Variants in OPA3 observed in about 807,000 individuals in gnomAD.
OPA3 encodes outer mitochondrial membrane lipid metabolism regulator OPA3.
OPA3 carries 6 observed loss-of-function variants against 4.0 expected under a neutral mutation model. The observed-to-expected ratio is 1.51, with a 90% CI of 0.83 to 2.99. The LOEUF (loss-of-function observed/expected upper bound fraction) is 2.99. Ranked by LOEUF, OPA3 falls within the 30% of genes most tolerant of loss-of-function variation. The probability of loss-of-function intolerance (pLI) is 0.00; values close to 1 mark genes in which losing one functional copy is unlikely to be tolerated. For missense variants in OPA3, 235 were observed against 256.2 expected, an observed-to-expected ratio of 0.92 and a Z score of 0.56; for synonymous variants, 105 against 117.1, an observed-to-expected ratio of 0.90 and a Z score of 0.67.
chr19:45,582,317 G>T lies in OPA3; in HGVS notation c.142+2306C>A, dbSNP rs896874150. On this transcript the variant is annotated intron_variant, in intron 1 of 1. Coordinates refer to ENST00000263275, the MANE Select transcript of OPA3 (RefSeq NM_025136.4). The stretch of plus-strand genomic sequence containing the variant: ...TGGGATTATAGGCGCCCGCCACCAA[G>T]CCCGCCTAACTTTTGTATTTTTAGT... Among the ~76,000 whole-genome samples, 9 of 151,786 alleles carry T rather than the reference G, an allele frequency of 5.9e-5. No homozygotes were observed. In the East Asian group the frequency reaches 1.8e-3, roughly 30 times the overall value.
In OPA3 at chr19:45,548,591, C is replaced by A. The variant is rs1969284945; in HGVS notation, c.*4923G>T. The A allele has an allele frequency of 8.1e-6, 8 of 985,266 alleles. No homozygotes were observed. The highest frequency in any genetic ancestry group is 9.6e-6 in the Non-Finnish European group (8 of 829,890). 61.0% of individuals were successfully genotyped at this position (985,266 alleles called of 1,614,324 possible). The stretch of plus-strand genomic sequence containing the variant: ...GGCAGGGCTGGGGCTGTCTCTGTCA[C>A]CACTGTGACCCCAGCATAGGGTGGG... On this transcript the variant is annotated 3_prime_UTR_variant, in exon 2 of 2. Transcript: ENST00000263275.
chr19:45,545,178 A>AC (rs1292401832), downstream of OPA3, among the ~76,000 whole-genome samples: 328 of 146,096 alleles, frequency 2.2e-3, 11 homozygotes, highest in African/African-American at 8.0e-3. Context: ...AAAAAAAAAA[A>AC]CAAAAAAACA....
intron 1 of OPA3, among the ~76,000 whole-genome samples, chr19:45,565,960 A>C (rs1969576484): frequency 6.6e-6 from 1 of 152,094 alleles, no homozygotes; most frequent in Non-Finnish European, 1.5e-5. Flanking sequence ...TAATCAAATC[A>C]ATCAATCAAT....
chr19:45,536,058 C>T (rs1969113759), intron 1 of OPA3, among the ~76,000 whole-genome samples: 1 of 150,758 alleles, frequency 6.6e-6, no homozygotes, highest in South Asian at 2.1e-4. Flanking sequence ...GAAACCCTGT[C>T]TCTACTGAAA....
At chr19:45,545,637 G>A (rs1047331500), downstream of OPA3, among the ~76,000 whole-genome samples, 4 of 151,468 alleles carry the variant, frequency 2.6e-5, no homozygotes, top group Non-Finnish European at 5.9e-5. Flanking sequence ...GTAAAAGTTA[G>A]TCTTCATGCT....
chr19:45,568,622 A>G (rs1969617123), intron 1 of OPA3, among the ~76,000 whole-genome samples: 1 of 152,108 alleles, frequency 6.6e-6, no homozygotes, highest in African/African-American at 2.4e-5. Flanking sequence ...AGACTGCAGT[A>G]ACACACAATG....
At chr19:45,567,390 A>G (rs1969599526) in intron 1 of OPA3, among the ~76,000 whole-genome samples, 2 of 151,844 alleles carry the variant, frequency 1.3e-5, no homozygotes, top group African/African-American at 4.8e-5. Context: ...TGATACATTC[A>G]GCAAGAAGTA....
chr19:45,540,380 A>G (rs541793163), intron 1 of OPA3, among the ~76,000 whole-genome samples: 1 of 152,000 alleles, frequency 6.6e-6, no homozygotes, highest in Non-Finnish European at 1.5e-5. Context: ...CATGGTGTGT[A>G]GATTATGCCT....
At chr19:45,572,379 A>C in intron 1 of OPA3, among the ~76,000 whole-genome samples, 2 of 134,182 alleles carry the variant, frequency 1.5e-5, no homozygotes, top group African/African-American at 5.5e-5. Context: ...ATCGATATAT[A>C]TCTCATATAT....
At chr19:45,584,029 G>C (rs941214655) in intron 1 of OPA3, among the ~76,000 whole-genome samples, 4 of 152,196 alleles carry the variant, frequency 2.6e-5, no homozygotes, top group Non-Finnish European at 4.4e-5. Context: ...TGAGTACACA[G>C]ATGAATGTCC....
chr19:45,580,128 C>A (rs1969827703), intron 1 of OPA3, among the ~76,000 whole-genome samples: 1 of 151,318 alleles, frequency 6.6e-6, no homozygotes, highest in South Asian at 2.1e-4. Context: ...TCCCGAGTAG[C>A]TGGGATTACA....
chr19:45,581,293 T>A (rs1969851292), intron 1 of OPA3, among the ~76,000 whole-genome samples: 1 of 152,096 alleles, frequency 6.6e-6, no homozygotes, highest in Non-Finnish European at 1.5e-5. Context: ...ACTTTAAGCA[T>A]CCAAACTTAC....
At position 45,584,780 on chromosome 19, in the gene OPA3, G is replaced by A. The variant is rs1222752138; in HGVS notation, c.-16C>T. 7 of 1,613,112 alleles carry A rather than the reference G, an allele frequency of 4.3e-6. No homozygotes were observed. Among genetic ancestry groups the A allele is most frequent in the Admixed American group, 1.7e-5 (1 of 60,000 alleles). The stretch of plus-strand genomic sequence containing the variant: ...CCACCACCATCTTGGCGGTCTCACA[G>A]GGCACGCGCAACCTTGCTGACTGGG... On this transcript the variant is annotated 5_prime_UTR_variant, in exon 1 of 2. Transcript: ENST00000263275.
intron 1 of OPA3, among the ~76,000 whole-genome samples, chr19:45,577,850 A>G (rs1969791679): frequency 6.6e-6 from 1 of 152,146 alleles, no homozygotes; most frequent in South Asian, 2.1e-4. Context: ...GGGACACACT[A>G]TCAATCAGAG....
At chr19:45,582,482 T>C (rs1290895710) in intron 1 of OPA3, among the ~76,000 whole-genome samples, 3 of 151,996 alleles carry the variant, frequency 2.0e-5, no homozygotes, top group Non-Finnish European at 2.9e-5. Flanking sequence ...TTTTGTTTTT[T>C]GTTTTTGTTT....
At chr19:45,577,657 G>C (rs756014421) in intron 1 of OPA3, among the ~76,000 whole-genome samples, 13 of 152,168 alleles carry the variant, frequency 8.5e-5, no homozygotes, top group African/African-American at 1.2e-4. Flanking sequence ...GAAAAGGAAA[G>C]GTTCTTGACA....
At chr19:45,565,872 G>A (rs1467910188) in intron 1 of OPA3, among the ~76,000 whole-genome samples, 1 of 152,074 alleles carries the variant, frequency 6.6e-6, no homozygotes, top group African/African-American at 2.4e-5. Context: ...GATCACTTGA[G>A]CCCCCAGGTT....
chr19:45,537,284 C>T (rs1229248841), intron 1 of OPA3, among the ~76,000 whole-genome samples: 2 of 148,518 alleles, frequency 1.3e-5, no homozygotes, highest in Admixed American at 6.8e-5. Context: ...CGCCTCCCAG[C>T]TACTCAGCAG....
chr19:45,584,628 G>A lies in OPA3; in HGVS notation c.137C>T (p.Ala46Val). 1 of 1,614,208 alleles carries A rather than the reference G, an allele frequency of 6.2e-7. No individual in the cohort carries two copies. Among genetic ancestry groups the A allele is most frequent in the South Asian group, 1.1e-5 (1 of 91,088 alleles). ...FFKTYICLPP[A>V]QLYHWVEMRT... ...GGAATTCGGGTCAGACTCACGTTGA[G>A]CCGGCGGGAGGCAGATATAGGTCTT... Residue 46 changes from alanine (A) to valine (V), a missense_variant, in exon 1 of 2, where the codon GCT becomes GTT. By Grantham distance (64) the Ala-to-Val change is moderately conservative. Transcript: ENST00000263275.
Sources: allele counts gnomAD v4.1 joint callset (sites outside exome capture counted in the v4.1 genomes callset), GRCh38; gene constraint gnomAD v4.1.1; transcripts MANE v1.5; gene names NCBI Gene and HGNC (gene_info 2026-07-23, HGNC 2026-07-21).